AGBL4: variants seen among roughly 807,000 people sequenced by gnomAD.
AGBL4 encodes cytosolic carboxypeptidase 6.
In AGBL4, 58 loss-of-function variants were observed where a neutral mutation model predicts 66.4. The ratio of observed to expected loss-of-function variants is 0.87; its 90% CI spans 0.71 to 1.09. The LOEUF (loss-of-function observed/expected upper bound fraction) is 1.09. AGBL4 is among the 50% of genes least tolerant of loss of function. AGBL4 has a pLI of 0.00. For synonymous variants in AGBL4, 234 were observed against 222.9 expected (o/e 1.05, Z -0.44); for missense variants, 579 against 631.0 (o/e 0.92, Z 0.88).
intron 4 of AGBL4, chr1:49,174,940 G>A (rs373864568): frequency 9.2e-5 from 14 of 152,144 alleles, no homozygotes; most frequent in Admixed American, 4.6e-4. Context: ...GAGAGAAAAC[G>A]TTATAAAATT....
intron 6 of AGBL4, among the ~76,000 whole-genome samples, chr1:48,784,142 A>G (rs1645358528): frequency 6.6e-6 from 1 of 152,176 alleles, no homozygotes; most frequent in African/African-American, 2.4e-5. Flanking sequence ...ATATTAATTC[A>G]ACTTCACAGA....
At chr1:49,832,677 A>G (rs1198113888) in intron 2 of AGBL4, among the ~76,000 whole-genome samples, 3 of 151,122 alleles carry the variant, frequency 2.0e-5, no homozygotes, top group Non-Finnish European at 4.4e-5. Flanking sequence ...TGACTTTTTA[A>G]TGATTGCCAT....
intron 6 of AGBL4, among the ~76,000 whole-genome samples, chr1:48,752,479 G>A (rs1651901425): frequency 6.6e-6 from 1 of 152,190 alleles, no homozygotes; most frequent in East Asian, 1.9e-4. Context: ...TCCAGGCATG[G>A]TTGTAAAACA....
At chr1:48,624,889 GGTGTGTGTGTGTGT>G (rs56678913) in intron 9 of AGBL4, among the ~76,000 whole-genome samples, 5 of 147,742 alleles carry the variant, frequency 3.4e-5, no homozygotes, top group East Asian at 2.0e-4. Flanking sequence ...GTTAATTCCA[GGTGTGTGTGTGTGT>G]GTGTGTGTGT....
At chr1:49,423,324 C>T (rs1380574742) in intron 3 of AGBL4, among the ~76,000 whole-genome samples, 1 of 152,044 alleles carries the variant, frequency 6.6e-6, no homozygotes, top group Non-Finnish European at 1.5e-5. Context: ...AGGATGCTGG[C>T]AGAGAGTAGG....
Position 49,414,517 on chromosome 1 carries a change from T to C in AGBL4, c.283-168653A>G, listed in dbSNP as rs144837140. ...ATGATGGACACCGGTTTTGAGAGAA[T>C]TACTACATCTGTCAATGGTTATATG... On this transcript the variant is annotated intron_variant, in intron 3 of 13. Coordinates refer to ENST00000371839, the MANE Select transcript of AGBL4 (RefSeq NM_032785.4). 3.4e-3 allele frequency among the ~76,000 whole-genome samples: 519 copies of C among 152,222 alleles called. 1 individual carries two copies. Among genetic ancestry groups the C allele is most frequent in the African/African-American group, 0.012 (489 of 41,542 alleles).
At chr1:49,943,456 G>C (rs1420770057) in intron 1 of AGBL4, among the ~76,000 whole-genome samples, 1 of 152,112 alleles carries the variant, frequency 6.6e-6, no homozygotes, top group Non-Finnish European at 1.5e-5. Context: ...AATACTCTAA[G>C]TGCCCAAACT....
intron 1 of AGBL4, among the ~76,000 whole-genome samples, chr1:49,990,349 C>T (rs1188900997): frequency 1.3e-5 from 2 of 152,146 alleles, no homozygotes; most frequent in African/African-American, 4.8e-5. Flanking sequence ...ATGCTGTTCT[C>T]ATAATAGTGA....
chr1:48,566,799 G>A (rs549027367), intron 11 of AGBL4, among the ~76,000 whole-genome samples: 9 of 152,134 alleles, frequency 5.9e-5, no homozygotes. Flanking sequence ...CTCTTCCCTG[G>A]TCTCCAGGCT....
chr1:48,633,783 A>G (rs534509421), intron 9 of AGBL4, among the ~76,000 whole-genome samples: 10 of 152,354 alleles, frequency 6.6e-5, no homozygotes, highest in African/African-American at 2.4e-4. Flanking sequence ...ACAAACAAGA[A>G]CTTGCCCCAG....
intron 2 of AGBL4, among the ~76,000 whole-genome samples, chr1:49,751,118 T>C (rs1651423250): frequency 1.3e-5 from 2 of 152,158 alleles, no homozygotes; most frequent in South Asian, 4.1e-4. Context: ...GAAATTCCAA[T>C]ACTATGTCGA....
At chr1:49,692,471 C>T (rs1402396097) in intron 3 of AGBL4, among the ~76,000 whole-genome samples, 1 of 152,102 alleles carries the variant, frequency 6.6e-6, no homozygotes, top group Non-Finnish European at 1.5e-5. Context: ...GTAATCCCAG[C>T]ACTTTGGGAG....
chr1:48,610,207 A>G (rs1645215463), intron 9 of AGBL4, among the ~76,000 whole-genome samples: 1 of 152,180 alleles, frequency 6.6e-6, no homozygotes, highest in South Asian at 2.1e-4. Context: ...ATAATCCAAT[A>G]TTGGCTTTGT....
chr1:49,558,043 TC>T (rs1266510568), intron 3 of AGBL4, among the ~76,000 whole-genome samples: 1 of 151,732 alleles, frequency 6.6e-6, no homozygotes, highest in Non-Finnish European at 1.5e-5. Context: ...AAGAGAACCT[TC>T]TACCTTAAAG....
intron 1 of AGBL4, among the ~76,000 whole-genome samples, chr1:49,886,399 T>C (rs2148156247): frequency 6.6e-6 from 1 of 152,100 alleles, no homozygotes; most frequent in South Asian, 2.1e-4. Flanking sequence ...AACCTGAGTC[T>C]GGAGAGAGAA....
At chr1:48,835,597 G>T (rs1646653408) in intron 6 of AGBL4, among the ~76,000 whole-genome samples, 1 of 152,092 alleles carries the variant, frequency 6.6e-6, no homozygotes, top group Non-Finnish European at 1.5e-5. Flanking sequence ...AAGAAAGCAA[G>T]AATGTTACAG....
chr1:49,957,327 C>T (rs980529888), intron 1 of AGBL4, among the ~76,000 whole-genome samples: 2 of 151,896 alleles, frequency 1.3e-5, no homozygotes, highest in East Asian at 1.9e-4. Flanking sequence ...GAGAAGAATG[C>T]ATATTCTGTT....
At chr1:48,700,549 G>A (rs1177730203) in intron 6 of AGBL4, among the ~76,000 whole-genome samples, 1 of 152,230 alleles carries the variant, frequency 6.6e-6, no homozygotes, top group Non-Finnish European at 1.5e-5. Context: ...AAGGCAGTGT[G>A]TGGACCTGAC....
intron 5 of AGBL4, among the ~76,000 whole-genome samples, chr1:48,873,629 T>C (rs564471171): frequency 3.3e-5 from 5 of 152,164 alleles, no homozygotes; most frequent in Non-Finnish European, 5.9e-5. Flanking sequence ...TGGTGATTAC[T>C]TGCTCCCAGG....
Sources: gnomAD v4.1 joint callset for allele counts (sites outside exome capture counted in the v4.1 genomes callset) on GRCh38, gnomAD v4.1.1 for gene constraint, MANE v1.5 for transcripts, NCBI Gene and HGNC (gene_info 2026-07-23, HGNC 2026-07-21) for gene names.